The following RASEF variants were observed in gnomAD, a reference collection of about 807,000 sequenced individuals.
RASEF encodes the protein RAS and EF-hand domain containing, also known as ras and EF-hand domain-containing protein.
A neutral mutation model predicts 90.1 loss-of-function variants in RASEF; 68 were observed. The ratio of observed to expected loss-of-function variants is 0.75; its 90% confidence interval spans 0.62 to 0.92. The LOEUF (loss-of-function observed/expected upper bound fraction) is 0.92. Ranked by LOEUF, RASEF falls within the 40% of genes least tolerant of loss-of-function variation. RASEF has a pLI of 0.00. For synonymous variants in RASEF, 331 were observed against 345.2 expected (o/e 0.96, Z 0.46); for missense variants, 949 against 937.2 (o/e 1.01, Z -0.16).
the RASEF span, among the ~76,000 whole-genome samples, chr9:83,178,757 C>G: frequency 6.6e-6 from 1 of 152,162 alleles, no homozygotes; most frequent in Non-Finnish European, 1.5e-5. Flanking sequence ...GCCACCTAAA[C>G]TAGGAATTGA....
the RASEF span, among the ~76,000 whole-genome samples, chr9:83,104,291 T>C: frequency 6.6e-6 from 1 of 152,190 alleles, no homozygotes; most frequent in Non-Finnish European, 1.5e-5. Context: ...TCATTATTCT[T>C]GTTTGAACAA....
chr9:83,198,227 C>A, the RASEF span, among the ~76,000 whole-genome samples: 14 of 152,146 alleles, frequency 9.2e-5, no homozygotes, highest in Non-Finnish European at 1.9e-4. Flanking sequence ...TAAGAAGGCA[C>A]CTGAAAACTA....
upstream of RASEF, among the ~76,000 whole-genome samples, chr9:83,063,379 T>C (rs1830253155): frequency 6.6e-6 from 1 of 152,206 alleles, no homozygotes; most frequent in South Asian, 2.1e-4. Flanking sequence ...CCACAGAACG[T>C]GCTGGCGCGC....
chr9:83,213,417 T>TA, the RASEF span, among the ~76,000 whole-genome samples: 7 of 148,250 alleles, frequency 4.7e-5, no homozygotes, highest in Non-Finnish European at 1.0e-4. Context: ...AAAAAAAAGA[T>TA]AAAAATAAAA....
intron 1 of RASEF, chr9:83,048,596 T>C (rs1228253072): frequency 4.1e-6 from 4 of 984,492 alleles, no homozygotes; most frequent in Non-Finnish European, 4.8e-6. Flanking sequence ...GAATGAAAAA[T>C]AGGAAAAAGG....
the RASEF span, among the ~76,000 whole-genome samples, chr9:83,160,260 C>G: frequency 6.6e-6 from 1 of 152,068 alleles, no homozygotes; most frequent in African/African-American, 2.4e-5. Context: ...TTGGAACTCC[C>G]TAGAGACTTG....
intron 1 of RASEF, chr9:83,048,219 C>T (rs950183697): frequency 8.1e-6 from 8 of 985,154 alleles, no homozygotes; most frequent in East Asian, 1.1e-4. Flanking sequence ...TGACAGGGAC[C>T]GGCAGTCCTA....
the RASEF span, among the ~76,000 whole-genome samples, chr9:83,209,190 T>A: frequency 6.6e-6 from 1 of 152,200 alleles, no homozygotes; most frequent in Admixed American, 6.5e-5. Flanking sequence ...TGAAGGCCCC[T>A]CAGCCTGAAG....
At chr9:83,088,372 G>GGATGGATAGATA in the RASEF span, among the ~76,000 whole-genome samples, 3 of 147,478 alleles carry the variant, frequency 2.0e-5, no homozygotes, top group Non-Finnish European at 3.0e-5. Flanking sequence ...ATAGATAGAT[G>GGATGGATAGATA]GATAGATAGA....
At chr9:83,214,166 G>A in the RASEF span, among the ~76,000 whole-genome samples, 1 of 152,160 alleles carries the variant, frequency 6.6e-6, no homozygotes, top group Non-Finnish European at 1.5e-5. Flanking sequence ...GGCTGAGGTG[G>A]GCTGATCACC....
intron 16 of RASEF, among the ~76,000 whole-genome samples, chr9:82,987,637 C>T (rs1462467181): frequency 1.3e-5 from 2 of 152,164 alleles, no homozygotes; most frequent in East Asian, 3.9e-4. Context: ...CGACTCTTCA[C>T]CGGGGCACTT....
At chr9:83,055,071 A>G (rs1830077656) in intron 1 of RASEF, 1 of 157,718 alleles carries the variant, frequency 6.3e-6, no homozygotes, top group Non-Finnish European at 1.3e-5. Flanking sequence ...GGTGGGCTCC[A>G]CCCAGTTCGA....
chr9:83,075,382 CA>C, the RASEF span, among the ~76,000 whole-genome samples: 1 of 152,134 alleles, frequency 6.6e-6, no homozygotes, highest in Non-Finnish European at 1.5e-5. Context: ...TAAAAAGCCT[CA>C]AAGTCTTTTT....
the RASEF span, among the ~76,000 whole-genome samples, chr9:83,140,539 C>T: frequency 2.6e-5 from 4 of 152,058 alleles, no homozygotes; most frequent in Non-Finnish European, 4.4e-5. Flanking sequence ...TTTTGAAAAA[C>T]GAACTCTGAT....
chr9:83,111,749 A>G, the RASEF span, among the ~76,000 whole-genome samples: 1 of 152,222 alleles, frequency 6.6e-6, no homozygotes, highest in Admixed American at 6.5e-5. Flanking sequence ...TAACATTGAA[A>G]AACAGAAAAA....
intron 1 of RASEF, among the ~76,000 whole-genome samples, chr9:83,035,720 T>C (rs908588154): frequency 1.3e-5 from 2 of 151,816 alleles, no homozygotes; most frequent in Non-Finnish European, 2.9e-5. Flanking sequence ...TTATTTTTCA[T>C]GGAAAAAAAT....
chr9:82,999,984 GACACACACACACACAC>G (rs55873985), intron 12 of RASEF, among the ~76,000 whole-genome samples, 169 bp downstream of exon 12: 60,995 of 141,054 alleles, frequency 0.43, 12,933 homozygotes, highest in East Asian at 0.53. Context: ...TAGACTAGGA[GACACACACACACACAC>G]ACACACACAC....
At chr9:83,193,393 C>T in the RASEF span, among the ~76,000 whole-genome samples, 1 of 152,142 alleles carries the variant, frequency 6.6e-6, no homozygotes, top group African/African-American at 2.4e-5. Flanking sequence ...GGACACTCAC[C>T]CTATGAGTAT....
At chr9:83,176,794 A>G in the RASEF span, among the ~76,000 whole-genome samples, 1 of 152,038 alleles carries the variant, frequency 6.6e-6, no homozygotes, top group Non-Finnish European at 1.5e-5. Context: ...TGCTATTATC[A>G]TTATACATAT....
Sources: allele counts gnomAD v4.1 joint callset (sites outside exome capture counted in the v4.1 genomes callset), GRCh38; gene constraint gnomAD v4.1.1; transcripts MANE v1.5; gene names NCBI Gene and HGNC (gene_info 2026-07-23, HGNC 2026-07-21).